The following DNAAF4 variants were observed in gnomAD, a reference collection of about 807,000 sequenced individuals.
The protein encoded by DNAAF4 is dynein assembly factor 4, axonemal.
Under a neutral mutation model 51.8 loss-of-function variants are expected in DNAAF4, and 43 were observed. The ratio of observed to expected loss-of-function variants is 0.83; its 90% CI spans 0.65 to 1.07. The LOEUF (loss-of-function observed/expected upper bound fraction) is 1.07. DNAAF4 is among the 50% of genes least tolerant of loss of function. The pLI is 0.00. For missense variants in DNAAF4, 581 were observed against 493.0 expected (o/e 1.18, Z -1.69); for synonymous variants, 194 against 165.6 (o/e 1.17, Z -1.32).
chr15:55,473,325 ATATATATG>A lies in DNAAF4; in HGVS notation c.406-6172_406-6165del, dbSNP rs1214131989. On this transcript the variant is annotated intron_variant, in intron 4 of 9. Transcript: ENST00000321149. ...TATATATGTGTGTATATATGTGTGTATATATATGTGTGTATATATATGTGTGTATATAT... is the reference window on the plus strand; with the variant it reads ...TATATATGTGTGTATATATGTGTGTATGTGTATATATATGTGTGTATATAT... 1.9e-3 allele frequency among the ~76,000 whole-genome samples: 271 copies of A among 139,860 alleles called. 2 individuals are homozygous for A. Among genetic ancestry groups the A allele is most frequent in the Non-Finnish European group, 3.1e-3 (204 of 66,096 alleles). 91.8% of individuals were successfully genotyped at this position (139,860 alleles called of 152,430 possible). A position where few individuals can be genotyped will look rare whatever the true frequency, so the allele number is the denominator to read the frequency against.
At chr15:55,481,907 T>G (rs1428252153) in intron 4 of DNAAF4, among the ~76,000 whole-genome samples, 1 of 152,220 alleles carries the variant, frequency 6.6e-6, no homozygotes, top group Non-Finnish European at 1.5e-5. Context: ...CTTCAGCCTC[T>G]GATTAGTAAT....
chr15:55,435,454 C>T (rs2141412346), intron 7 of DNAAF4, among the ~76,000 whole-genome samples: 1 of 152,208 alleles, frequency 6.6e-6, no homozygotes, highest in South Asian at 2.1e-4. Flanking sequence ...AGTCACATAG[C>T]CCACATTGTT....
At chr15:55,493,443 T>A (rs913971502) in intron 3 of DNAAF4, among the ~76,000 whole-genome samples, 3 of 152,192 alleles carry the variant, frequency 2.0e-5, no homozygotes, top group African/African-American at 7.2e-5. Flanking sequence ...TCTCTCCTGC[T>A]GTTTAAAAAC....
downstream of DNAAF4, among the ~76,000 whole-genome samples, chr15:55,429,001 C>A (rs908682319): frequency 6.6e-6 from 1 of 151,486 alleles, no homozygotes; most frequent in Non-Finnish European, 1.5e-5. Flanking sequence ...GCAGGCAGAC[C>A]ACTTGAGGTC....
rs559905454 is a variant in DNAAF4 at position 55,419,762 on chromosome 15, C to T, written c.1048-1629G>A. ...CTGTAATCCCAGCACATTGGGAGCC[C>T]GGGGCTGGTGGATCACCTGAGGTCA... On this transcript the variant is annotated intron_variant, in intron 7 of 7. Transcript: ENST00000448430. Among the ~76,000 whole-genome samples the T allele has an allele frequency of 1.1e-4, 17 of 152,152 alleles. No individual in the cohort carries two copies. In the South Asian group the frequency reaches 3.3e-3, roughly 30 times the overall value.
chr15:55,498,596 A>G lies in DNAAF4; in HGVS notation c.-255-12T>C, dbSNP rs1297528916. The G allele has an allele frequency of 4.2e-6, 1 of 237,696 alleles. No individual in the cohort carries two copies. Among genetic ancestry groups the G allele is most frequent in the Non-Finnish European group, 7.6e-6 (1 of 131,004 alleles). 14.7% of individuals were successfully genotyped at this position (237,696 alleles called of 1,614,324 possible). On this transcript the variant is annotated splice_polypyrimidine_tract_variant and intron_variant, in intron 1 of 9. Coordinates refer to ENST00000321149, the MANE Select transcript of DNAAF4 (RefSeq NM_130810.4). ...TAGACCCATACCCTCTGCTTGAGAA[A>G]AAAAAAAAAAAAAAAAAGCACTCTG...
intron 4 of DNAAF4, among the ~76,000 whole-genome samples, chr15:55,484,411 G>T (rs1198926114): frequency 2.6e-5 from 4 of 151,634 alleles, no homozygotes; most frequent in African/African-American, 7.3e-5. Context: ...CTTGAACCTG[G>T]GAGGCGGAGC....
At chr15:55,431,600 G>A (rs1406479513) in intron 9 of DNAAF4, among the ~76,000 whole-genome samples, 1 of 150,192 alleles carries the variant, frequency 6.7e-6, no homozygotes, top group Non-Finnish European at 1.5e-5. Context: ...TCAGTCTCCT[G>A]AGTAGCTGGG....
intron 5 of DNAAF4, among the ~76,000 whole-genome samples, chr15:55,463,954 C>T (rs1275360467): frequency 6.6e-6 from 1 of 152,070 alleles, no homozygotes; most frequent in African/African-American, 2.4e-5. Flanking sequence ...CTAGAAAAAA[C>T]AATCCTAAAA....
chr15:55,480,787 C>T (rs1210641287), intron 4 of DNAAF4, among the ~76,000 whole-genome samples: 1 of 152,304 alleles, frequency 6.6e-6, no homozygotes, highest in African/African-American at 2.4e-5. Context: ...GTATGCCTTA[C>T]AAAATCAGGT....
chr15:55,434,871 T>G, intron 8 of DNAAF4, 34 bp downstream of exon 8: 1 of 1,477,082 alleles, frequency 6.8e-7, no homozygotes, highest in Non-Finnish European at 9.1e-7. Context: ...AGGATATATT[T>G]AAAGCACCAT....
At chr15:55,418,533 G>A (rs2057358311) in intron 7 of DNAAF4, 1 of 1,510,162 alleles carries the variant, frequency 6.6e-7, no homozygotes, top group Non-Finnish European at 8.9e-7. Context: ...GACAGAACCA[G>A]AACTCTTGAT....
intron 7 of DNAAF4, among the ~76,000 whole-genome samples, chr15:55,438,249 G>C (rs1005112233): frequency 2.0e-5 from 3 of 151,798 alleles, no homozygotes; most frequent in African/African-American, 7.3e-5. Context: ...TACTGAGGAG[G>C]CTGAGGCAGG....
intron 4 of DNAAF4, among the ~76,000 whole-genome samples, chr15:55,487,289 T>C (rs904962924): frequency 1.3e-5 from 2 of 152,126 alleles, no homozygotes; most frequent in Admixed American, 6.5e-5. Flanking sequence ...TGTGTCTAGC[T>C]AAAGGATTGT....
intron 5 of DNAAF4, among the ~76,000 whole-genome samples, chr15:55,463,170 T>TCACACA (rs754178816): frequency 0.046 from 5,559 of 119,910 alleles, 312 homozygotes; most frequent in African/African-American, 0.13. Flanking sequence ...TGAGACTCTG[T>TCACACA]CTCACACACA....
chr15:55,417,807 C>G (rs937387384), exon 8 of DNAAF4: 1 of 230,240 alleles, frequency 4.3e-6, no homozygotes, highest in Non-Finnish European at 8.5e-6. Context: ...GGGCTGAGTC[C>G]GAAAAGACAG....
At chr15:55,426,529 C>A (rs1225076708), downstream of DNAAF4, among the ~76,000 whole-genome samples, 4 of 152,130 alleles carry the variant, frequency 2.6e-5, no homozygotes, top group Non-Finnish European at 5.9e-5. Flanking sequence ...TTCACTGTCT[C>A]AGTCATTGTC....
rs752123191 is a variant in DNAAF4, at chr15:55,430,644, C to G, written c.*26G>C. The G allele has an allele frequency of 1.2e-6, 2 of 1,602,784 alleles. No homozygotes were observed. Among genetic ancestry groups the G allele is most frequent in the Non-Finnish European group, 1.7e-6 (2 of 1,175,154 alleles). ...CCAGTTGTTTTTAAAAAACTTATAA[C>G]AATACTTAGTTACTTCTAATAGTCA... On this transcript the variant is annotated 3_prime_UTR_variant, in exon 10 of 10. Transcript: ENST00000321149.
In DNAAF4 at chr15:55,480,611, A is replaced by T. The variant is rs571032538; in HGVS notation, c.405+10512T>A. Among the ~76,000 whole-genome samples, 4 of 152,066 alleles carry T rather than the reference A, an allele frequency of 2.6e-5. No homozygotes were observed. In the South Asian group the frequency reaches 8.3e-4, roughly 32 times the overall value. On this transcript the variant is annotated intron_variant, in intron 4 of 9. Coordinates refer to ENST00000321149, the MANE Select transcript of DNAAF4 (RefSeq NM_130810.4). ...TAACCAGTCTCTCATTATACCTTTA[A>T]CTGCAACCATCAGGCACAAACAAGC... is the stretch of plus-strand genomic sequence containing the variant.
Sources: gnomAD v4.1 joint callset for allele counts (sites outside exome capture counted in the v4.1 genomes callset) on GRCh38, gnomAD v4.1.1 for gene constraint, MANE v1.5 for transcripts, NCBI Gene and HGNC (gene_info 2026-07-23, HGNC 2026-07-21) for gene names.